The following ULK4 variants were observed in gnomAD, a reference collection of about 807,000 sequenced individuals.
ULK4 encodes the protein unc-51 like kinase 4, also known as inactive serine/threonine-protein kinase ULK4.
In ULK4, 133 loss-of-function variants were observed where a neutral mutation model predicts 160.6. That is an observed-to-expected ratio of 0.83 (90% CI 0.72 to 0.96). The LOEUF (loss-of-function observed/expected upper bound fraction) is 0.96. Ranked by LOEUF, ULK4 falls within the 40% of genes least tolerant of loss-of-function variation. ULK4 has a pLI of 0.00. For missense variants in ULK4, 1,580 were observed against 1,499.5 expected, an observed-to-expected ratio of 1.05 and a Z score of -0.89; for synonymous variants, 534 against 539.8, an observed-to-expected ratio of 0.99 and a Z score of 0.15.
chr3:41,941,450 C>A (rs1345260535), intron 2 of ULK4, among the ~76,000 whole-genome samples: 1 of 150,328 alleles, frequency 6.7e-6, no homozygotes, highest in Non-Finnish European at 1.5e-5. Context: ...AAATGAAACA[C>A]TCTGTGAACA....
chr3:41,273,132 T>C (rs2079167081), intron 35 of ULK4, among the ~76,000 whole-genome samples: 2 of 152,232 alleles, frequency 1.3e-5, no homozygotes, highest in African/African-American at 2.4e-5. Flanking sequence ...ATTTACCTTA[T>C]TGGGTACTTG....
intron 34 of ULK4, among the ~76,000 whole-genome samples, chr3:41,435,824 G>C (rs2083022165): frequency 1.3e-5 from 2 of 152,270 alleles, no homozygotes; most frequent in Admixed American, 1.3e-4. Flanking sequence ...GCAGGTGCCT[G>C]TAATCCCAAC....
chr3:41,961,675 G>A (rs1370465365), intron 1 of ULK4, among the ~76,000 whole-genome samples: 1 of 152,076 alleles, frequency 6.6e-6, no homozygotes, highest in African/African-American at 2.4e-5. Flanking sequence ...AAGCGCTGCA[G>A]GGCGGTGAAG....
At chr3:41,318,371 T>C (rs544700024) in intron 35 of ULK4, among the ~76,000 whole-genome samples, 2 of 152,306 alleles carry the variant, frequency 1.3e-5, no homozygotes, top group African/African-American at 4.8e-5. Context: ...AACAACTGTT[T>C]GCATATTTTA....
rs373097823 is a variant in ULK4, at chr3:41,911,676, C to G, written c.897-17G>C. Reference sequence around the variant, plus strand: ...GTGTTTCTGCTATTATTGGAGAAAACCAACACAATCAAACTTACTTTGGAG... The same window carrying G: ...GTGTTTCTGCTATTATTGGAGAAAAGCAACACAATCAAACTTACTTTGGAG... On this transcript the variant is annotated splice_polypyrimidine_tract_variant and intron_variant, in intron 9 of 36. Coordinates refer to ENST00000301831, the MANE Select transcript of ULK4 (RefSeq NM_017886.4). 3.8e-6 allele frequency: 6 copies of G among 1,577,982 alleles called. No individual in the cohort carries two copies. The highest frequency in any genetic ancestry group is 5.2e-6 in the Non-Finnish European group (6 of 1,151,218).
In ULK4 at chr3:41,693,336, T is replaced by TA. The variant is rs1186850401; in HGVS notation, c.2782-11533dup. Reference sequence around the variant, plus strand: ...ATCACTCTTCTAGCGATTAAACCAGTAAATCGCAATTTACCCTGAAGATAC... The same window carrying TA: ...ATCACTCTTCTAGCGATTAAACCAGTAAAATCGCAATTTACCCTGAAGATAC... On this transcript the variant is annotated intron_variant, in intron 27 of 36. Transcript: ENST00000301831. 9.2e-5 allele frequency among the ~76,000 whole-genome samples: 14 copies of TA among 152,330 alleles called. No individual in the cohort carries two copies. In the East Asian group the frequency reaches 2.7e-3, roughly 29 times the overall value.
intron 36 of ULK4, among the ~76,000 whole-genome samples, chr3:41,248,116 C>G (rs1205256772): frequency 6.6e-6 from 1 of 152,162 alleles, no homozygotes; most frequent in Non-Finnish European, 1.5e-5. Flanking sequence ...TAAAAGGCAG[C>G]TATAGGTCCC....
chr3:41,312,531 T>C (rs1169036649), intron 35 of ULK4, among the ~76,000 whole-genome samples: 2 of 152,148 alleles, frequency 1.3e-5, no homozygotes, highest in Non-Finnish European at 2.9e-5. Flanking sequence ...CCTGGTGTCT[T>C]AGGCCTATAA....
intron 21 of ULK4, among the ~76,000 whole-genome samples, chr3:41,755,561 C>T (rs2038771181): frequency 6.6e-6 from 1 of 152,134 alleles, no homozygotes. Flanking sequence ...TCCCCAGAGT[C>T]CATTCCTGAT....
chr3:41,597,698 G>A lies in ULK4; in HGVS notation c.3120+17971C>T, dbSNP rs568466259. On this transcript the variant is annotated intron_variant, in intron 31 of 36. Coordinates refer to ENST00000301831, the MANE Select transcript of ULK4 (RefSeq NM_017886.4). ...CACAATGAGACAGCACTGCCCACAG[G>A]TAATCGCTTCTCTTTGATTACTGCC... is the stretch of plus-strand genomic sequence containing the variant. Among the ~76,000 whole-genome samples the A allele has an allele frequency of 8.5e-5, 13 of 152,262 alleles. No individual in the cohort carries two copies. In the East Asian group the frequency reaches 2.5e-3, roughly 29 times the overall value.
At chr3:41,271,221 C>A (rs566483410) in intron 35 of ULK4, among the ~76,000 whole-genome samples, 1 of 152,146 alleles carries the variant, frequency 6.6e-6, no homozygotes, top group Non-Finnish European at 1.5e-5. Context: ...TCTCCCCACA[C>A]CCAACTCCAC....
chr3:41,473,507 C>G (rs1170624952), intron 32 of ULK4, among the ~76,000 whole-genome samples: 1 of 151,340 alleles, frequency 6.6e-6, no homozygotes, highest in Non-Finnish European at 1.5e-5. Context: ...ACTAAAAATA[C>G]AAAAATTAGC....
At chr3:41,781,396 A>G (rs1222250272) in intron 21 of ULK4, among the ~76,000 whole-genome samples, 7 of 150,208 alleles carry the variant, frequency 4.7e-5, no homozygotes, top group Non-Finnish European at 8.9e-5. Context: ...CAGCCTGGGC[A>G]ACAGAGCGAG....
At chr3:41,931,595 T>C (rs755484643) in intron 5 of ULK4, among the ~76,000 whole-genome samples, 4 of 152,072 alleles carry the variant, frequency 2.6e-5, no homozygotes, top group Non-Finnish European at 5.9e-5. Context: ...GAGTGCTCAG[T>C]AAAACATAAA....
At chr3:41,576,717 A>C (rs1389839527) in intron 31 of ULK4, among the ~76,000 whole-genome samples, 1 of 152,236 alleles carries the variant, frequency 6.6e-6, no homozygotes, top group Admixed American at 6.5e-5. Context: ...ACTTTTGAAT[A>C]ATGTTTGCAA....
intron 35 of ULK4, among the ~76,000 whole-genome samples, chr3:41,342,247 G>A (rs1434961820): frequency 6.6e-6 from 1 of 152,192 alleles, no homozygotes; most frequent in Admixed American, 6.5e-5. Context: ...GCACAGCCAT[G>A]AGCCACTTCA....
chr3:41,636,513 G>A (rs1274629772), intron 30 of ULK4, among the ~76,000 whole-genome samples: 7 of 150,198 alleles, frequency 4.7e-5, no homozygotes, highest in South Asian at 2.1e-4. Flanking sequence ...TAGCCTGGTC[G>A]ACAGAGCAAG....
At chr3:41,833,197 C>T (rs2041647631) in intron 18 of ULK4, among the ~76,000 whole-genome samples, 1 of 150,818 alleles carries the variant, frequency 6.6e-6, no homozygotes, top group Non-Finnish European at 1.5e-5. Context: ...TGTGTCCTCT[C>T]TTATTTCCTT....
At chr3:41,572,762 T>C (rs1471000112) in intron 31 of ULK4, among the ~76,000 whole-genome samples, 2 of 122,968 alleles carry the variant, frequency 1.6e-5, no homozygotes, top group African/African-American at 3.5e-5. Context: ...CAAGATTCCA[T>C]CTCAAAAAAA....
Sources: allele counts gnomAD v4.1 joint callset (sites outside exome capture counted in the v4.1 genomes callset), GRCh38; gene constraint gnomAD v4.1.1; transcripts MANE v1.5; gene names NCBI Gene and HGNC (gene_info 2026-07-23, HGNC 2026-07-21).